Variants in DNAJC19 observed in about 807,000 individuals in gnomAD.
DNAJC19 encodes the protein mitochondrial import inner membrane translocase subunit TIM14.
DNAJC19 carries 15 observed loss-of-function variants against 19.8 expected under a neutral mutation model. The observed-to-expected ratio is 0.76, with a 90% CI of 0.51 to 1.17. DNAJC19 has a LOEUF of 1.17. Among genes scored for constraint, DNAJC19 ranks in the 50% most tolerant of loss-of-function variants. The pLI is 0.00. For missense variants in DNAJC19, 105 were observed against 140.9 expected (o/e 0.75, Z 1.29); for synonymous variants, 38 against 42.1 (o/e 0.90, Z 0.38).
At chr3:180,989,749 C>A (rs1002848406), upstream of DNAJC19, 4 of 1,337,910 alleles carry the variant, frequency 3.0e-6, no homozygotes, top group South Asian at 2.5e-5. Context: ...CAGGAGCAGC[C>A]GCAAACTAGG....
intron 3 of DNAJC19, 134 bp downstream of exon 3, chr3:180,987,889 A>T: frequency 9.4e-7 from 1 of 1,060,904 alleles, no homozygotes; most frequent in Non-Finnish European, 1.4e-6. Flanking sequence ...GAACTTCTAT[A>T]CTCTCCTTGC....
chr3:180,986,112 TG>T (rs1000735624), intron 4 of DNAJC19, 116 bp from the exon 5 acceptor site: 1 of 851,708 alleles, frequency 1.2e-6, no homozygotes, highest in African/African-American at 1.7e-5. Context: ...CACAACAGTA[TG>T]AAAAGCTGTT....
intron 3 of DNAJC19, 173 bp from the exon 4 acceptor site, chr3:180,987,195 C>A: frequency 3.1e-6 from 2 of 641,940 alleles, no homozygotes; most frequent in South Asian, 1.9e-5. Context: ...TAAGTAGCAA[C>A]AAGTAGTATT....
chr3:180,986,640 T>A, intron 4 of DNAJC19: 1 of 340,834 alleles, frequency 2.9e-6, no homozygotes, highest in Non-Finnish European at 5.4e-6. Context: ...CTGAACACTG[T>A]GATAATCTGC....
Position 180,988,089 on chromosome 3 carries a change from G to C in DNAJC19, c.63C>G (p.Tyr21Ter), listed in dbSNP as rs145786060. 67 of 1,613,972 alleles carry C rather than the reference G, an allele frequency of 4.2e-5. No individual in the cohort carries two copies. Among genetic ancestry groups the C allele is most frequent in the African/African-American group, 5.3e-5 (4 of 74,910 alleles). ...CCATATGCTTCATGGCTTGCAAAAC[G>C]TAACGGCCTAAAACCAAAAGCAACA... ...TIAAAGFAGR[Y>*]VLQAMKHMEP... Residue 21 changes from tyrosine to a stop codon, truncating the protein, a stop_gained, in exon 3 of 6, where the codon TAC (tyrosine) becomes TAG (stop). Transcript: ENST00000382564. LOFTEE classifies it high-confidence loss of function.
At chr3:180,988,365 T>C (rs1266870747) in intron 1 of DNAJC19, 136 bp from the exon 2 acceptor site, 8 of 1,080,420 alleles carry the variant, frequency 7.4e-6, no homozygotes, top group Non-Finnish European at 1.1e-5. Flanking sequence ...TTTTTTTTTT[T>C]TTTTTTTAAG....
intron 3 of DNAJC19, 33 bp downstream of exon 3, chr3:180,987,990 A>T (rs1362752241): frequency 6.2e-7 from 1 of 1,612,926 alleles, no homozygotes; most frequent in Non-Finnish European, 8.5e-7. Flanking sequence ...CTAGGTTTCA[A>T]ATAGAAGCAG....
chr3:180,987,391 A>T (rs1714966941), intron 3 of DNAJC19: 1 of 302,558 alleles, frequency 3.3e-6, no homozygotes, highest in East Asian at 8.4e-5. Context: ...TTGAGACAAG[A>T]GGTTCAAGTG....
chr3:180,988,057 T>C lies in DNAJC19; in HGVS notation c.95A>G (p.Gln32Arg). 6.2e-7 allele frequency: 1 copy of C among 1,614,204 alleles called. No individual in the cohort carries two copies. Among genetic ancestry groups the C allele is most frequent in the Non-Finnish European group, 8.5e-7 (1 of 1,180,024 alleles). The stretch of plus-strand genomic sequence containing the variant: ...TAGGCTTTGAAAAACTTGTTTTACT[T>C]GAGGCTCCATATGCTTCATGGCTTG... The part of the protein sequence containing the change: ...VLQAMKHMEP[Q>R]VKQVFQSLPK... The change falls in exon 3 of 6, where the codon CAA (glutamine) becomes CGA (arginine). Residue 32 changes from glutamine to arginine, a missense_variant. Coordinates refer to ENST00000382564, the MANE Select transcript of DNAJC19 (RefSeq NM_145261.4).
In DNAJC19 at chr3:180,987,451, G is replaced by A. The variant is rs1805638; in HGVS notation, c.130-429C>T. ...TATATACAGAAAATACCACTATTAG[G>A]TCCTCTGACCTTGCCATGTCAGAAA... On this transcript the variant is annotated intron_variant, in intron 3 of 5. Transcript: ENST00000382564. 5.4e-3 allele frequency: 1,340 copies of A among 247,170 alleles called. 26 individuals are homozygous for A. The highest frequency in any genetic ancestry group is 0.029 in the African/African-American group (1,256 of 43,472). The allele number at this position is 247,170 out of a possible 1,614,324, so 15.3% of individuals were successfully genotyped here. A position where few individuals can be genotyped will look rare whatever the true frequency, so the allele number is the denominator to read the frequency against.
intron 1 of DNAJC19, 28 bp downstream of exon 1, chr3:180,989,572 G>A: frequency 6.4e-7 from 1 of 1,572,960 alleles, no homozygotes; most frequent in Non-Finnish European, 8.6e-7. Context: ...GCCGGAGGTC[G>A]CCAAGAAGAC....
intron 5 of DNAJC19, chr3:180,985,348 A>G (rs562575953): frequency 2.8e-4 from 43 of 154,784 alleles, no homozygotes; most frequent in Non-Finnish European, 5.2e-4. Context: ...AGCCCTCCAT[A>G]TAAAACAAGC....
At chr3:180,986,600 CAAA>C in intron 4 of DNAJC19, 1 of 222,908 alleles carries the variant, frequency 4.5e-6, no homozygotes, top group Non-Finnish European at 8.9e-6. Context: ...AATTTCACCA[CAAA>C]AAAAATGTCA....
chr3:180,989,284 T>G, intron 1 of DNAJC19: 1 of 1,354,138 alleles, frequency 7.4e-7, no homozygotes, highest in Non-Finnish European at 9.5e-7. Context: ...AGGGCACTTA[T>G]AATCAAATAC....
At position 180,983,908 on chromosome 3, in the gene DNAJC19, G is replaced by A; in HGVS notation, c.*732C>T. 3 of 453,940 alleles carry A rather than the reference G, an allele frequency of 6.6e-6. No homozygotes were observed. Among genetic ancestry groups the A allele is most frequent in the Non-Finnish European group, 8.8e-6 (2 of 226,740 alleles). 28.1% of individuals were successfully genotyped at this position (453,940 alleles called of 1,614,324 possible). Reference sequence around the variant, plus strand: ...TATAAATGGTCATTACCTTTAAGGGGCTAGCTGAATACAATGTAAATACTC... The same window carrying A: ...TATAAATGGTCATTACCTTTAAGGGACTAGCTGAATACAATGTAAATACTC... On this transcript the variant is annotated 3_prime_UTR_variant, in exon 6 of 6. Coordinates refer to ENST00000382564, the MANE Select transcript of DNAJC19 (RefSeq NM_145261.4).
At chr3:180,987,842 C>T (rs1181566684) in intron 3 of DNAJC19, 181 bp downstream of exon 3, 1 of 715,316 alleles carries the variant, frequency 1.4e-6, no homozygotes, top group Non-Finnish European at 2.4e-6. Flanking sequence ...TCACATATAA[C>T]ATCTGATGTT....
At chr3:180,989,353 C>A in intron 1 of DNAJC19, 1 of 1,422,654 alleles carries the variant, frequency 7.0e-7, no homozygotes, top group Non-Finnish European at 9.2e-7. Flanking sequence ...TCCAGGCAAG[C>A]AACACCTGCA....
At chr3:180,986,791 T>C in intron 4 of DNAJC19, 152 bp downstream of exon 4, 1 of 690,784 alleles carries the variant, frequency 1.4e-6, no homozygotes, top group African/African-American at 1.8e-5. Context: ...GAAGGAACAG[T>C]ACAGTTTCAT....
At chr3:180,989,208 G>C in intron 1 of DNAJC19, 1 of 761,574 alleles carries the variant, frequency 1.3e-6, no homozygotes, top group Non-Finnish European at 1.7e-6. Context: ...GAAGACATCT[G>C]TCAGCAAAAG....
Sources: allele counts gnomAD v4.1 joint callset, GRCh38; gene constraint gnomAD v4.1.1; transcripts MANE v1.5; gene names NCBI Gene and HGNC (gene_info 2026-07-23, HGNC 2026-07-21).